GIMAP1: variants seen among roughly 807,000 people sequenced by gnomAD.
The protein encoded by GIMAP1 is GTPase, IMAP family member 1.
For missense variants in GIMAP1, 423 were observed against 411.9 expected, an observed-to-expected ratio of 1.03 and a Z score of -0.23; for synonymous variants, 230 against 187.7, an observed-to-expected ratio of 1.23 and a Z score of -1.84.
Position 150,720,230 on chromosome 7 carries a change from T to C in GIMAP1, c.226T>C (p.Cys76Arg), listed in dbSNP as rs2116541722. 3 of 1,614,162 alleles carry C rather than the reference T, an allele frequency of 1.9e-6. No homozygotes were observed. In the East Asian group the frequency reaches 6.7e-5, roughly 36 times the overall value. ...CACGGGCAGCCGCAGGTGGGACAAG[T>C]GCCACGTGGAAGTCGTGGACACTCC... ...CTTGSRRWDKCHVEVVDTPDI... is the reference protein window; with the variant it reads ...CTTGSRRWDKRHVEVVDTPDI... Residue 76 changes from cysteine to arginine, a missense_variant, in exon 3 of 3, where the codon TGC becomes CGC. Transcript: ENST00000307194. The surrounding 1 kb of genome is among the most constrained non-coding windows in gnomAD (Gnocchi z 4.5).
intron 1 of GIMAP1, among the ~76,000 whole-genome samples, chr7:150,718,656 T>G (rs1029138985): frequency 6.6e-6 from 1 of 152,214 alleles, no homozygotes; most frequent in Admixed American, 6.5e-5. Context: ...TAACCGACCC[T>G]CTGCTTTTTG....
intron 1 of GIMAP1, 122 bp from the exon 2 acceptor site, chr7:150,718,920 T>G: frequency 7.6e-7 from 1 of 1,309,134 alleles, no homozygotes; most frequent in Non-Finnish European, 1.1e-6. Flanking sequence ...GTCTTTTCAC[T>G]GTGCTGTCAC....
At position 150,720,979 on chromosome 7, in the gene GIMAP1, G is replaced by T; in HGVS notation, c.*54G>T. 2 of 1,414,762 alleles carry T rather than the reference G, an allele frequency of 1.4e-6. No individual in the cohort carries two copies. Among genetic ancestry groups the T allele is most frequent in the Non-Finnish European group, 1.9e-6 (2 of 1,076,226 alleles). The allele number at this position is 1,414,762 out of a possible 1,614,324, so 87.6% of individuals were successfully genotyped here. On this transcript the variant is annotated 3_prime_UTR_variant, in exon 3 of 3. Coordinates refer to ENST00000307194, the MANE Select transcript of GIMAP1 (RefSeq NM_130759.4). The surrounding 1 kb of genome is among the most constrained non-coding windows in gnomAD (Gnocchi z 4.5). ...TTGGTTAAGGGAGGCTGAATTCTTG[G>T]AGCTGAAGGGAAAACTTCATTCCAA...
At position 150,720,696 on chromosome 7, in the gene GIMAP1, T is replaced by C. The variant is rs1162505300; in HGVS notation, c.692T>C (p.Leu231Pro). Residue 231 changes from leucine to proline, a missense_variant, in exon 3 of 3, where the codon CTG becomes CCG. Coordinates refer to ENST00000307194, the MANE Select transcript of GIMAP1 (RefSeq NM_130759.4). The surrounding 1 kb of genome is among the most constrained non-coding windows in gnomAD (Gnocchi z 4.5). Reference protein sequence around the residue: ...SNEVYELAQVLRWAGPEERLR... With the variant: ...SNEVYELAQVPRWAGPEERLR... Reference sequence around the variant, plus strand: ...GAGGTGTATGAGCTGGCGCAGGTGCTGCGCTGGGCAGGCCCTGAGGAGCGG... The same window carrying C: ...GAGGTGTATGAGCTGGCGCAGGTGCCGCGCTGGGCAGGCCCTGAGGAGCGG... 6.3e-7 allele frequency: 1 copy of C among 1,587,626 alleles called. No homozygotes were observed. The highest frequency in any genetic ancestry group is 1.1e-5 in the South Asian group (1 of 88,424).
chr7:150,719,784 T>C (rs1797268986), intron 2 of GIMAP1, among the ~76,000 whole-genome samples: 1 of 152,166 alleles, frequency 6.6e-6, no homozygotes, highest in Non-Finnish European at 1.5e-5. Flanking sequence ...ATGAAATAAA[T>C]ATGTCTGCAT....
At position 150,720,601 on chromosome 7, in the gene GIMAP1, C is replaced by G. The variant is rs959381879; in HGVS notation, c.597C>G (p.Ala199=). ...DNRATGREQE[A]QVEQLLGMVE... ...GGGCCACCGGCCGGGAGCAGGAAGC[C>G]CAGGTGGAGCAGCTGCTGGGGATGG... Residue 199 remains alanine (A), a synonymous_variant, in exon 3 of 3, where the codon GCC becomes GCG. Coordinates refer to ENST00000307194, the MANE Select transcript of GIMAP1 (RefSeq NM_130759.4). The surrounding 1 kb of genome is among the most constrained non-coding windows in gnomAD (Gnocchi z 4.5). 6.2e-7 allele frequency: 1 copy of G among 1,613,680 alleles called. No individual in the cohort carries two copies.
intron 1 of GIMAP1, 26 bp from the exon 2 acceptor site, chr7:150,719,016 A>C: frequency 1.2e-6 from 2 of 1,614,104 alleles, no homozygotes; most frequent in Non-Finnish European, 1.7e-6. Context: ...AAATGAATTA[A>C]CAAATTGTGT....
Position 150,720,001 on chromosome 7 carries a change from G to T in GIMAP1, c.44-47G>T. 6.6e-7 allele frequency: 1 copy of T among 1,506,324 alleles called. No homozygotes were observed. The highest frequency in any genetic ancestry group is 1.3e-5 in the South Asian group (1 of 74,784). 93.3% of individuals were successfully genotyped at this position (1,506,324 alleles called of 1,614,324 possible). A position where few individuals can be genotyped will look rare whatever the true frequency, so the allele number is the denominator to read the frequency against. On this transcript the variant is annotated intron_variant, in intron 2 of 2. Transcript: ENST00000307194. The surrounding 1 kb of genome is among the most constrained non-coding windows in gnomAD (Gnocchi z 4.5). ...AGGCAAGAAGATTCCAGTTCCCAAG[G>T]GGAAGTTGGTTAAACTTAAGTAAGA...
chr7:150,720,732 T>C lies in GIMAP1; in HGVS notation c.728T>C (p.Val243Ala), dbSNP rs1014088697. 1 of 1,564,908 alleles carries C rather than the reference T, an allele frequency of 6.4e-7. No individual in the cohort carries two copies. Among genetic ancestry groups the C allele is most frequent in the African/African-American group, 1.4e-5 (1 of 73,484 alleles). The stretch of plus-strand genomic sequence containing the variant: ...GGCCCTGAGGAGCGGCTCCGGCGGG[T>C]GGCGGAGCGCGTGGCAGCCAGGGTG... ...WAGPEERLRR[V>A]AERVAARVQR... Residue 243 changes from valine to alanine, a missense_variant, in exon 3 of 3, where the codon GTG becomes GCG. By Grantham distance (64) the Val-to-Ala change is moderately conservative. Coordinates refer to ENST00000307194, the MANE Select transcript of GIMAP1 (RefSeq NM_130759.4). The surrounding 1 kb of genome is among the most constrained non-coding windows in gnomAD (Gnocchi z 4.5).
At position 150,720,238 on chromosome 7, in the gene GIMAP1, G is replaced by C. The variant is rs1797276830; in HGVS notation, c.234G>C (p.Val78=). The stretch of plus-strand genomic sequence containing the variant: ...GCCGCAGGTGGGACAAGTGCCACGT[G>C]GAAGTCGTGGACACTCCGGACATTT... ...TGSRRWDKCH[V]EVVDTPDIFS... is the part of the protein sequence containing the mutation. The change falls in exon 3 of 3, where the codon GTG becomes GTC. Residue 78 remains valine, a synonymous_variant. Transcript: ENST00000307194. The surrounding 1 kb of genome is among the most constrained non-coding windows in gnomAD (Gnocchi z 4.5). 1.9e-6 allele frequency: 3 copies of C among 1,614,172 alleles called. No homozygotes were observed. The highest frequency in any genetic ancestry group is 1.7e-5 in the Admixed American group (1 of 60,032).
At position 150,722,315 on chromosome 7, in the gene GIMAP1, G is replaced by C. The variant is rs1797318553; in HGVS notation, c.*1390G>C. The C allele has an allele frequency of 6.6e-6, 1 of 152,612 alleles. No homozygotes were observed. The highest frequency in any genetic ancestry group is 1.5e-5 in the Non-Finnish European group (1 of 68,298). The allele number at this position is 152,612 out of a possible 1,614,324, so 9.5% of individuals were successfully genotyped here. A position where few individuals can be genotyped will look rare whatever the true frequency, so the allele number is the denominator to read the frequency against. On this transcript the variant is annotated 3_prime_UTR_variant, in exon 3 of 3. Coordinates refer to ENST00000307194, the MANE Select transcript of GIMAP1 (RefSeq NM_130759.4). ...CCCCAGCACACGTTGGGAAGAAGGGGTCTGCAAGCATGCGCACAATTGCCA... is the reference window on the plus strand; with the variant it reads ...CCCCAGCACACGTTGGGAAGAAGGGCTCTGCAAGCATGCGCACAATTGCCA...
In GIMAP1 at chr7:150,721,063, CA is replaced by C; in HGVS notation, c.*139del. ...AATGACACAGAAAACTTTGCTGCATCACCTTTGCAACTTTGCCAAAGCTCAG... is the reference window on the plus strand; with the variant it reads ...AATGACACAGAAAACTTTGCTGCATCCCTTTGCAACTTTGCCAAAGCTCAG... On this transcript the variant is annotated 3_prime_UTR_variant, in exon 3 of 3. Coordinates refer to ENST00000307194, the MANE Select transcript of GIMAP1 (RefSeq NM_130759.4). The C allele has an allele frequency of 1.3e-6, 1 of 786,338 alleles. No homozygotes were observed. Among genetic ancestry groups the C allele is most frequent in the East Asian group, 3.1e-5 (1 of 31,810 alleles). 48.7% of individuals were successfully genotyped at this position (786,338 alleles called of 1,614,324 possible). A position where few individuals can be genotyped will look rare whatever the true frequency, so the allele number is the denominator to read the frequency against.
chr7:150,719,258 T>G (rs1563364831), intron 2 of GIMAP1, 168 bp downstream of exon 2: 1 of 780,542 alleles, frequency 1.3e-6, no homozygotes, highest in Non-Finnish European at 2.0e-6. Context: ...GGATCTCTGC[T>G]GTGAGAAGTT....
At chr7:150,717,586 C>A (rs10234910) in intron 1 of GIMAP1, among the ~76,000 whole-genome samples, 32,715 of 151,928 alleles carry the variant, frequency 0.22, 3,644 homozygotes, top group East Asian at 0.29. Flanking sequence ...TATTTAAAAT[C>A]ATTTCAACCC....
At position 150,720,582 on chromosome 7, in the gene GIMAP1, C is replaced by T. The variant is rs753846343; in HGVS notation, c.578C>T (p.Thr193Ile). 3.7e-6 allele frequency: 6 copies of T among 1,613,776 alleles called. No homozygotes were observed. Among genetic ancestry groups the T allele is most frequent in the Non-Finnish European group, 5.1e-6 (6 of 1,179,834 alleles). ...GRVCAFDNRA[T>I]GREQEAQVEQ... Reference sequence around the variant, plus strand: ...GTCTGTGCCTTTGATAACCGGGCCACCGGCCGGGAGCAGGAAGCCCAGGTG... The same window carrying T: ...GTCTGTGCCTTTGATAACCGGGCCATCGGCCGGGAGCAGGAAGCCCAGGTG... Residue 193 changes from threonine to isoleucine, a missense_variant, in exon 3 of 3, where the codon ACC becomes ATC. Physicochemically the swap from Thr to Ile is moderately conservative, Grantham distance 89 (BLOSUM62 -1). Transcript: ENST00000307194. The surrounding 1 kb of genome is among the most constrained non-coding windows in gnomAD (Gnocchi z 4.5).
At position 150,720,747 on chromosome 7, in the gene GIMAP1, C is replaced by T; in HGVS notation, c.743C>T (p.Ala248Val). Residue 248 changes from alanine (A) to valine (V), a missense_variant, in exon 3 of 3, where the codon GCA becomes GTA. Ala to Val is a moderately conservative substitution (Grantham distance 64). Transcript: ENST00000307194. This position sits in a 1 kb window ranked among gnomAD's most constrained non-coding sequence, Gnocchi z 4.5. ...CTCCGGCGGGTGGCGGAGCGCGTGGCAGCCAGGGTGCAGAGGAGGCCATGG... is the reference window on the plus strand; with the variant it reads ...CTCCGGCGGGTGGCGGAGCGCGTGGTAGCCAGGGTGCAGAGGAGGCCATGG... The part of the protein sequence containing the change: ...ERLRRVAERV[A>V]ARVQRRPWGA... 1 of 1,566,392 alleles carries T rather than the reference C, an allele frequency of 6.4e-7. No individual in the cohort carries two copies.
Position 150,723,042 on chromosome 7 carries a change from G to A in GIMAP1, c.*2117G>A, listed in dbSNP as rs1797330876. ...CAGTAATAAAAAGTAGTAGTATATG[G>A]TTAATTGTCAAATACATTTGCAAAG... On this transcript the variant is annotated 3_prime_UTR_variant, in exon 3 of 3. Coordinates refer to ENST00000307194, the MANE Select transcript of GIMAP1 (RefSeq NM_130759.4). 6.6e-6 allele frequency: 1 copy of A among 152,144 alleles called. No individual in the cohort carries two copies. Among genetic ancestry groups the A allele is most frequent in the Non-Finnish European group, 1.5e-5 (1 of 68,034 alleles). 9.4% of individuals were successfully genotyped at this position (152,144 alleles called of 1,614,324 possible).
At position 150,720,997 on chromosome 7, in the gene GIMAP1, C is replaced by T. The variant is rs917648653; in HGVS notation, c.*72C>T. 21 of 1,341,878 alleles carry T rather than the reference C, an allele frequency of 1.6e-5. No individual in the cohort carries two copies. Among genetic ancestry groups the T allele is most frequent in the South Asian group, 6.2e-5 (4 of 64,544 alleles). 83.1% of individuals were successfully genotyped at this position (1,341,878 alleles called of 1,614,324 possible). ...ATTCTTGGAGCTGAAGGGAAAACTT[C>T]ATTCCAACGGAAGGAATCCTGTAGT... On this transcript the variant is annotated 3_prime_UTR_variant, in exon 3 of 3. Coordinates refer to ENST00000307194, the MANE Select transcript of GIMAP1 (RefSeq NM_130759.4). The surrounding 1 kb of genome is among the most constrained non-coding windows in gnomAD (Gnocchi z 4.5).
intron 1 of GIMAP1, among the ~76,000 whole-genome samples, chr7:150,718,586 G>A (rs1169678701): frequency 6.6e-6 from 1 of 152,148 alleles, no homozygotes; most frequent in East Asian, 1.9e-4. Context: ...TTATGTCAGT[G>A]ATATAGAATC....
Sources: allele counts gnomAD v4.1 joint callset (sites outside exome capture counted in the v4.1 genomes callset), GRCh38; gene constraint gnomAD v4.1.1; non-coding constraint Gnocchi (gnomAD v3.1); transcripts MANE v1.5; gene names NCBI Gene and HGNC (gene_info 2026-07-23, HGNC 2026-07-21).